The following SUMF1 variants were observed in gnomAD, a reference collection of about 807,000 sequenced individuals.
SUMF1 encodes the protein sulfatase modifying factor 1.
In SUMF1, 48 loss-of-function variants were observed where a neutral mutation model predicts 47.6. The observed-to-expected ratio is 1.01, with a 90% CI of 0.80 to 1.28. The LOEUF (loss-of-function observed/expected upper bound fraction) is 1.28, where lower values mean the gene tolerates loss of function less well. Ranked by LOEUF, SUMF1 falls within the 50% of genes most tolerant of loss-of-function variation. The pLI is 0.00. For synonymous variants in SUMF1, 230 were observed against 192.1 expected (o/e 1.20, Z -1.63); for missense variants, 571 against 485.4 (o/e 1.18, Z -1.66).
chr3:4,047,125 C>T (rs317575), intron 9 of SUMF1, among the ~76,000 whole-genome samples: 33,612 of 151,996 alleles, frequency 0.22, 6,275 homozygotes, highest in African/African-American at 0.51. Context: ...GGTGCCTTTA[C>T]ATCTTTCAAG....
intron 8 of SUMF1, among the ~76,000 whole-genome samples, chr3:4,332,976 G>A (rs1575105614): frequency 6.6e-6 from 1 of 152,142 alleles, no homozygotes; most frequent in Non-Finnish European, 1.5e-5. Flanking sequence ...TTTGGCTGGG[G>A]AGAATCGGCC....
At chr3:4,283,474 G>A (rs1697569116) in intron 8 of SUMF1, among the ~76,000 whole-genome samples, 2 of 148,444 alleles carry the variant, frequency 1.3e-5, no homozygotes, top group East Asian at 3.9e-4. Flanking sequence ...CTTGGTTAAA[G>A]CTTTGACTCC....
chr3:4,372,838 C>T (rs1456806542), intron 8 of SUMF1, among the ~76,000 whole-genome samples: 1 of 152,212 alleles, frequency 6.6e-6, no homozygotes, highest in Non-Finnish European at 1.5e-5. Flanking sequence ...AGGCTAAGCA[C>T]TCTGAAAATA....
intron 8 of SUMF1, among the ~76,000 whole-genome samples, chr3:4,193,852 C>T (rs958483921): frequency 2.0e-5 from 3 of 151,954 alleles, no homozygotes; most frequent in South Asian, 2.1e-4. Flanking sequence ...GATAATAATG[C>T]CTACTTCATG....
At chr3:4,433,957 G>C (rs530455369) in intron 3 of SUMF1, among the ~76,000 whole-genome samples, 1 of 152,188 alleles carries the variant, frequency 6.6e-6, no homozygotes, top group Non-Finnish European at 1.5e-5. Flanking sequence ...TGAAAGCAGG[G>C]GTTCGAAGGA....
intron 8 of SUMF1, among the ~76,000 whole-genome samples, chr3:4,108,453 G>C (rs1693209553): frequency 1.3e-5 from 2 of 152,082 alleles, no homozygotes; most frequent in East Asian, 3.9e-4. Context: ...TTGGTGCAGA[G>C]CTGAGTTCAA....
intron 8 of SUMF1, among the ~76,000 whole-genome samples, chr3:4,176,952 A>G (rs199712987): frequency 6.6e-6 from 1 of 152,212 alleles, no homozygotes; most frequent in Non-Finnish European, 1.5e-5. Context: ...AGGCCATTAC[A>G]TAATGGTAAA....
intron 8 of SUMF1, among the ~76,000 whole-genome samples, chr3:4,326,465 G>A (rs1698946771): frequency 6.7e-6 from 1 of 149,988 alleles, no homozygotes; most frequent in South Asian, 2.1e-4. Flanking sequence ...CTTACCACAG[G>A]TCAATAACCC....
Position 4,180,272 on chromosome 3 carries a change from T to G in SUMF1, c.1015-111527A>C, listed in dbSNP as rs1486803407. On this transcript the variant is annotated intron_variant and NMD_transcript_variant, in intron 8 of 12. Coordinates refer to the SUMF1 transcript ENST00000448413. ...ATGTTTATTGCGGCACTATTCACAA[T>G]AGCAAAGGCTTGGAACCAACCCAAA... Among the ~76,000 whole-genome samples, 4 of 152,224 alleles carry G rather than the reference T, an allele frequency of 2.6e-5. No individual in the cohort carries two copies. In the East Asian group the frequency reaches 7.7e-4, roughly 29 times the overall value.
chr3:4,074,517 CA>C (rs1434716526), intron 8 of SUMF1, among the ~76,000 whole-genome samples: 1 of 151,638 alleles, frequency 6.6e-6, no homozygotes, highest in Non-Finnish European at 1.5e-5. Flanking sequence ...GAAAGAGACA[CA>C]AAAAAACCCT....
At chr3:4,372,384 T>TA (rs1559254028) in intron 8 of SUMF1, among the ~76,000 whole-genome samples, 1 of 152,214 alleles carries the variant, frequency 6.6e-6, no homozygotes, top group Non-Finnish European at 1.5e-5. Context: ...GAAAATTTTT[T>TA]AAAAAATGAA....
intron 9 of SUMF1, among the ~76,000 whole-genome samples, chr3:4,041,616 T>C (rs317580): frequency 0.88 from 134,030 of 152,166 alleles, 61,449 homozygotes; most frequent in Non-Finnish European, 1. Context: ...CAGACACAAG[T>C]TGGGGGGAAG....
At chr3:4,277,697 C>T (rs1489944990) in intron 8 of SUMF1, among the ~76,000 whole-genome samples, 1 of 152,080 alleles carries the variant, frequency 6.6e-6, no homozygotes, top group Non-Finnish European at 1.5e-5. Context: ...TTCTGGATTA[C>T]ACTTTCTCAA....
chr3:4,304,403 A>G (rs1698098069), intron 8 of SUMF1, among the ~76,000 whole-genome samples: 1 of 152,174 alleles, frequency 6.6e-6, no homozygotes. Flanking sequence ...CGGCCTCCCA[A>G]AATGCTGGGA....
rs557647048 is a variant in SUMF1 at position 4,053,169 on chromosome 3, T to C, written c.1191+15400A>G. ...ATTAATGGGCCTAATTTCAATATTG[T>C]TGTGTCTCAGGGAATAGGGAGGATC... On this transcript the variant is annotated intron_variant and NMD_transcript_variant, in intron 9 of 12. Transcript: ENST00000448413. Among the ~76,000 whole-genome samples, 4 of 152,176 alleles carry C rather than the reference T, an allele frequency of 2.6e-5. No homozygotes were observed. The South Asian group carries it at 8.3e-4, about 32-fold the overall frequency.
At chr3:4,036,837 A>G (rs1694806280) in intron 9 of SUMF1, among the ~76,000 whole-genome samples, 1 of 120,152 alleles carries the variant, frequency 8.3e-6, no homozygotes, top group Non-Finnish European at 1.7e-5. Context: ...AGATCTGCTG[A>G]GGTCAGTGAG....
At chr3:4,252,878 G>C (rs892736444) in intron 8 of SUMF1, among the ~76,000 whole-genome samples, 2 of 152,006 alleles carry the variant, frequency 1.3e-5, no homozygotes, top group African/African-American at 4.8e-5. Flanking sequence ...ACACAAAAAT[G>C]CACCCTAAAA....
chr3:4,357,910 G>A (rs968568906), downstream of SUMF1, among the ~76,000 whole-genome samples: 3 of 151,812 alleles, frequency 2.0e-5, no homozygotes, highest in Admixed American at 6.6e-5. Context: ...GCCTGGCCCC[G>A]ACCAACTCTT....
At chr3:4,067,311 T>C (rs968400085) in intron 9 of SUMF1, among the ~76,000 whole-genome samples, 2 of 152,166 alleles carry the variant, frequency 1.3e-5, no homozygotes, top group African/African-American at 4.8e-5. Context: ...TGACACTATA[T>C]TCTAGCCATT....
Sources: gnomAD v4.1 joint callset for allele counts (sites outside exome capture counted in the v4.1 genomes callset) on GRCh38, gnomAD v4.1.1 for gene constraint, MANE v1.5 for transcripts, NCBI Gene and HGNC (gene_info 2026-07-23, HGNC 2026-07-21) for gene names.